PARVA: variants seen among roughly 807,000 people sequenced by gnomAD.
PARVA encodes alpha-parvin.
PARVA carries 25 observed loss-of-function variants against 52.6 expected under a neutral mutation model. The observed-to-expected ratio is 0.48, with a 90% CI of 0.35 to 0.66. The LOEUF (loss-of-function observed/expected upper bound fraction) is 0.66. PARVA is among the 30% of genes least tolerant of loss of function. PARVA has a pLI of 0.01. For missense variants in PARVA, 373 were observed against 450.9 expected, an observed-to-expected ratio of 0.83 and a Z score of 1.56; for synonymous variants, 185 against 179.1, an observed-to-expected ratio of 1.03 and a Z score of -0.26.
At chr11:12,388,830 CA>C (rs1939617052) in intron 1 of PARVA, among the ~76,000 whole-genome samples, 1 of 151,846 alleles carries the variant, frequency 6.6e-6, no homozygotes, top group Non-Finnish European at 1.5e-5. Context: ...CATAATACTC[CA>C]TTGAGTGATT....
chr11:12,475,190 C>T (rs1378414310), intron 3 of PARVA, among the ~76,000 whole-genome samples: 1 of 152,172 alleles, frequency 6.6e-6, no homozygotes, highest in Non-Finnish European at 1.5e-5. Flanking sequence ...ATGCGTGCTC[C>T]CAGCGCTCCC....
intron 1 of PARVA, among the ~76,000 whole-genome samples, chr11:12,399,901 A>G (rs1302613827): frequency 6.6e-6 from 1 of 152,150 alleles, no homozygotes; most frequent in Non-Finnish European, 1.5e-5. Context: ...ATTAAGTTTT[A>G]TATAAATATT....
At chr11:12,458,568 A>C (rs1940729831) in intron 1 of PARVA, among the ~76,000 whole-genome samples, 2 of 120,206 alleles carry the variant, frequency 1.7e-5, no homozygotes, top group African/African-American at 3.1e-5. Flanking sequence ...TGCTCCTAAA[A>C]ATATACTAAC....
rs144501853 is a variant in PARVA, at chr11:12,439,987, C to T, written c.137-33758C>T. Among the ~76,000 whole-genome samples, 512 of 152,190 alleles carry T rather than the reference C, an allele frequency of 3.4e-3. 4 individuals carry two copies. Among genetic ancestry groups the T allele is most frequent in the Middle Eastern group, 0.031 (9 of 288 alleles). On this transcript the variant is annotated intron_variant, in intron 1 of 12. Transcript: ENST00000334956. ...CGCCCTATTCTGCTTTCTCTTACAACCTGTCACTGCTGGCGTAGCATGCAT... is the reference window on the plus strand; with the variant it reads ...CGCCCTATTCTGCTTTCTCTTACAATCTGTCACTGCTGGCGTAGCATGCAT...
rs11390518 is a variant in PARVA at position 12,493,612 on chromosome 11, T to TAA, written c.401-2836_401-2835dup. 2.9e-3 allele frequency among the ~76,000 whole-genome samples: 421 copies of TAA among 145,842 alleles called. 8 individuals are homozygous for TAA. In the East Asian group the frequency reaches 0.03, roughly 10 times the overall value. ...CTCCTAAATAAGAAATACCAGACGC[T>TAA]AAAAAAAAAAAGGAAAAAAATTAAT... On this transcript the variant is annotated intron_variant, in intron 4 of 12. Coordinates refer to ENST00000334956, the MANE Select transcript of PARVA (RefSeq NM_018222.5).
chr11:12,385,293 C>T (rs543498775), intron 1 of PARVA, among the ~76,000 whole-genome samples: 4 of 152,130 alleles, frequency 2.6e-5, no homozygotes, highest in Non-Finnish European at 5.9e-5. Flanking sequence ...CACACCACTG[C>T]ACTCCAGTCT....
chr11:12,425,502 G>T (rs1400986250), intron 1 of PARVA, among the ~76,000 whole-genome samples: 2 of 152,116 alleles, frequency 1.3e-5, no homozygotes, highest in African/African-American at 4.8e-5. Flanking sequence ...AAGTTCTCTT[G>T]CAGAGAATGC....
chr11:12,522,979 G>C (rs1050826552), intron 12 of PARVA, among the ~76,000 whole-genome samples: 2 of 152,240 alleles, frequency 1.3e-5, no homozygotes, highest in South Asian at 2.1e-4. Context: ...AATGTAGAAG[G>C]GGGAGGGGAT....
chr11:12,508,043 G>A (rs902008093), intron 6 of PARVA, among the ~76,000 whole-genome samples: 1 of 140,322 alleles, frequency 7.1e-6, no homozygotes, highest in Non-Finnish European at 1.5e-5. Context: ...CAGAGAATAA[G>A]CTAGTTACCT....
intron 1 of PARVA, among the ~76,000 whole-genome samples, chr11:12,452,312 T>C (rs918182879): frequency 3.9e-5 from 6 of 152,174 alleles, no homozygotes; most frequent in South Asian, 2.1e-4. Context: ...TACACACTTG[T>C]GCTTAGAAAA....
At chr11:12,477,652 G>C (rs367987907) in intron 3 of PARVA, among the ~76,000 whole-genome samples, 195 bp from the exon 4 acceptor site, 352 of 129,898 alleles carry the variant, frequency 2.7e-3, no homozygotes, top group African/African-American at 8.6e-3. Context: ...GGAGGTTGAG[G>C]CAGGAAGATC....
chr11:12,518,862 G>A (rs1245339133), intron 12 of PARVA, among the ~76,000 whole-genome samples: 1 of 152,216 alleles, frequency 6.6e-6, no homozygotes, highest in Non-Finnish European at 1.5e-5. Flanking sequence ...GCCAGTCGGG[G>A]TGAAGGTGCA....
At chr11:12,490,794 T>C (rs773282231) in intron 4 of PARVA, among the ~76,000 whole-genome samples, 6 of 152,200 alleles carry the variant, frequency 3.9e-5, no homozygotes, top group Non-Finnish European at 8.8e-5. Flanking sequence ...CCGTAGCACA[T>C]AAATCAGGAA....
intron 1 of PARVA, among the ~76,000 whole-genome samples, chr11:12,473,368 A>G (rs1031013490): frequency 3.3e-5 from 5 of 152,186 alleles, no homozygotes; most frequent in African/African-American, 1.2e-4. Flanking sequence ...GTCAGCACAC[A>G]GTCGCCGGGC....
At chr11:12,391,694 G>A (rs1170307314) in intron 1 of PARVA, among the ~76,000 whole-genome samples, 4 of 152,154 alleles carry the variant, frequency 2.6e-5, no homozygotes, top group Non-Finnish European at 4.4e-5. Context: ...GCATGTGTGT[G>A]TCATGTCATT....
chr11:12,503,614 C>G (rs1489805813), intron 5 of PARVA, among the ~76,000 whole-genome samples: 1 of 152,086 alleles, frequency 6.6e-6, no homozygotes, highest in African/African-American at 2.4e-5. Context: ...TCCCTGTAGT[C>G]CCAGCTACTC....
chr11:12,484,506 TGTGTGTGTGTGTG>T (rs1413580890), intron 4 of PARVA, among the ~76,000 whole-genome samples: 1 of 4,290 alleles, frequency 2.3e-4, no homozygotes, highest in Non-Finnish European at 7.2e-3. Context: ...TTTGTTTTGG[TGTGTGTGTGTGTG>T]TGTGTGTGTG....
At chr11:12,435,365 A>G (rs983513709) in intron 1 of PARVA, among the ~76,000 whole-genome samples, 1 of 152,238 alleles carries the variant, frequency 6.6e-6, no homozygotes, top group African/African-American at 2.4e-5. Context: ...AACATGGGGA[A>G]AAGTACAGAG....
intron 1 of PARVA, among the ~76,000 whole-genome samples, chr11:12,435,433 T>G (rs1238229669): frequency 1.3e-5 from 2 of 152,252 alleles, no homozygotes; most frequent in African/African-American, 4.8e-5. Context: ...ACAGATGAGA[T>G]GTGAAACACA....
Sources: gnomAD v4.1 joint callset for allele counts (sites outside exome capture counted in the v4.1 genomes callset) on GRCh38, gnomAD v4.1.1 for gene constraint, MANE v1.5 for transcripts, NCBI Gene and HGNC (gene_info 2026-07-23, HGNC 2026-07-21) for gene names.